The following SULF2 variants were observed in gnomAD, a reference collection of about 807,000 sequenced individuals.
SULF2 encodes the protein extracellular sulfatase Sulf-2.
In SULF2, 52 loss-of-function variants were observed where a neutral mutation model predicts 107.7. The observed-to-expected ratio is 0.48, with a 90% CI of 0.39 to 0.61. SULF2 has a LOEUF of 0.61. SULF2 is among the 20% of genes least tolerant of loss of function. SULF2 has a pLI of 0.00. For synonymous variants in SULF2, 460 were observed against 464.3 expected (o/e 0.99, Z 0.12); for missense variants, 993 against 1,177.3 (o/e 0.84, Z 2.29).
At chr20:47,685,826 C>T (rs556450899) in intron 5 of SULF2, 3 of 152,306 alleles carry the variant, frequency 2.0e-5, no homozygotes, top group Admixed American at 6.5e-5. Flanking sequence ...GCTGCTTAAT[C>T]GTGCAGCAGG....
intron 1 of SULF2, among the ~76,000 whole-genome samples, chr20:47,758,063 C>A (rs578121820): frequency 6.6e-6 from 1 of 151,380 alleles, no homozygotes; most frequent in South Asian, 2.1e-4. Context: ...TCCCCATGAA[C>A]AAAATGAGTA....
intron 2 of SULF2, among the ~76,000 whole-genome samples, chr20:47,751,442 T>C (rs1368045754): frequency 6.6e-6 from 1 of 152,198 alleles, no homozygotes; most frequent in African/African-American, 2.4e-5. Flanking sequence ...TCCCAGACAG[T>C]GTCAGACCAA....
At chr20:47,675,721 T>G (rs1602614888) in intron 10 of SULF2, among the ~76,000 whole-genome samples, 1 of 151,868 alleles carries the variant, frequency 6.6e-6, no homozygotes, top group South Asian at 2.1e-4. Context: ...AAGGCAGAGT[T>G]TCCATCCCAC....
intron 17 of SULF2, among the ~76,000 whole-genome samples, chr20:47,662,617 G>C (rs2087113796): frequency 6.6e-6 from 1 of 152,166 alleles, no homozygotes; most frequent in Non-Finnish European, 1.5e-5. Context: ...GTGTGGTCCT[G>C]GGCCACTTCA....
rs6018684 is a variant in SULF2, at chr20:47,781,861, G to T, written c.-101+3482C>A. The stretch of plus-strand genomic sequence containing the variant: ...ACGGTGCCCACAGCTGCCAGGGACT[G>T]CCCGCCCCAGAGCTGGAGAGACATC... On this transcript the variant is annotated intron_variant, in intron 1 of 20. Coordinates refer to ENST00000688720, the MANE Select transcript of SULF2 (RefSeq NM_001387048.1). 4.9e-3 allele frequency among the ~76,000 whole-genome samples: 747 copies of T among 152,262 alleles called. 6 individuals are homozygous for T. The highest frequency in any genetic ancestry group is 0.017 in the African/African-American group (706 of 41,560).
intron 3 of SULF2, among the ~76,000 whole-genome samples, chr20:47,724,292 G>A (rs999317645): frequency 3.3e-5 from 5 of 152,250 alleles, no homozygotes; most frequent in African/African-American, 1.2e-4. Flanking sequence ...ACAGGGACAA[G>A]CAGATCGCCA....
intron 9 of SULF2, 48 bp from the exon 10 acceptor site, chr20:47,676,671 A>G: frequency 6.5e-7 from 1 of 1,544,760 alleles, no homozygotes; most frequent in African/African-American, 1.4e-5. Flanking sequence ...TCAGCTCTGG[A>G]GGAGCCCCGG....
At chr20:47,677,307 AG>A (rs937721773) in intron 8 of SULF2, among the ~76,000 whole-genome samples, 173 bp from the exon 9 acceptor site, 4 of 152,020 alleles carry the variant, frequency 2.6e-5, no homozygotes, top group African/African-American at 9.7e-5. Context: ...CCCTCCTCTG[AG>A]TTGAGCCACC....
chr20:47,727,058 TGG>T (rs11478669), intron 3 of SULF2, among the ~76,000 whole-genome samples: 5 of 147,388 alleles, frequency 3.4e-5, no homozygotes, highest in South Asian at 2.2e-4. Context: ...GCAGCCTTTA[TGG>T]GGGGGGGCGG....
At chr20:47,751,669 G>A (rs573450843) in intron 2 of SULF2, among the ~76,000 whole-genome samples, 1 of 152,300 alleles carries the variant, frequency 6.6e-6, no homozygotes, top group Non-Finnish European at 1.5e-5. Context: ...AGCCGCACCT[G>A]AAGCTCAATG....
chr20:47,748,724 G>A (rs900248212), intron 2 of SULF2, among the ~76,000 whole-genome samples: 1 of 152,142 alleles, frequency 6.6e-6, no homozygotes, highest in African/African-American at 2.4e-5. Context: ...GAGGTTGGTG[G>A]ACAGATTCCT....
chr20:47,657,484 G>A lies in SULF2; in HGVS notation c.*878C>T, dbSNP rs917287769. The A allele has an allele frequency of 6.6e-6, 1 of 152,034 alleles. No homozygotes were observed. Among genetic ancestry groups the A allele is most frequent in the African/African-American group, 2.4e-5 (1 of 41,390 alleles). The allele number at this position is 152,034 out of a possible 1,614,324, so 9.4% of individuals were successfully genotyped here. A position where few individuals can be genotyped will look rare whatever the true frequency, so the allele number is the denominator to read the frequency against. ...GTCATTGGCTGGGGTTTTGAACACTGTATGACAATACTTAAACTACAAAAT... is the reference window on the plus strand; with the variant it reads ...GTCATTGGCTGGGGTTTTGAACACTATATGACAATACTTAAACTACAAAAT... On this transcript the variant is annotated 3_prime_UTR_variant, in exon 21 of 21. Coordinates refer to ENST00000688720, the MANE Select transcript of SULF2 (RefSeq NM_001387048.1).
At chr20:47,764,314 C>T (rs932754568) in intron 1 of SULF2, among the ~76,000 whole-genome samples, 2 of 152,112 alleles carry the variant, frequency 1.3e-5, no homozygotes, top group African/African-American at 4.8e-5. Flanking sequence ...AGATCTATAT[C>T]CTCAACAATT....
chr20:47,745,719 G>A (rs905271114), intron 2 of SULF2, among the ~76,000 whole-genome samples: 14 of 151,490 alleles, frequency 9.2e-5, no homozygotes, highest in African/African-American at 3.4e-4. Flanking sequence ...TAGTAGAGAT[G>A]GGGTTTCACC....
chr20:47,663,652 G>C, intron 15 of SULF2, 30 bp from the exon 16 acceptor site: 1 of 1,532,622 alleles, frequency 6.5e-7, no homozygotes, highest in East Asian at 2.3e-5. Context: ...CACACACCTT[G>C]GGCCTCTGAG....
intron 6 of SULF2, among the ~76,000 whole-genome samples, chr20:47,684,018 G>A (rs190211204): frequency 3.9e-5 from 6 of 152,246 alleles, no homozygotes; most frequent in Admixed American, 2.6e-4. Flanking sequence ...CCATCTAAGG[G>A]CTGTGAGGTT....
At chr20:47,776,636 C>T (rs566289236) in intron 1 of SULF2, among the ~76,000 whole-genome samples, 1 of 152,290 alleles carries the variant, frequency 6.6e-6, no homozygotes, top group Admixed American at 6.5e-5. Flanking sequence ...CCCAAGAGCC[C>T]TCATTAGAAT....
chr20:47,670,997 A>T (rs984056523), intron 11 of SULF2, among the ~76,000 whole-genome samples: 4 of 151,060 alleles, frequency 2.6e-5, no homozygotes, highest in African/African-American at 9.7e-5. Context: ...TAGCCGGCGG[A>T]CCCCGACGCC....
intron 13 of SULF2, 44 bp from the exon 14 acceptor site, chr20:47,665,337 G>A: frequency 7.8e-7 from 1 of 1,281,744 alleles, no homozygotes; most frequent in Non-Finnish European, 1.1e-6. Context: ...CTTCAAGGCT[G>A]GACAACAAAG....
Sources: allele counts gnomAD v4.1 joint callset (sites outside exome capture counted in the v4.1 genomes callset), GRCh38; gene constraint gnomAD v4.1.1; transcripts MANE v1.5; gene names NCBI Gene and HGNC (gene_info 2026-07-23, HGNC 2026-07-21).